EPHX3: variants seen among roughly 807,000 people sequenced by gnomAD.
EPHX3 encodes abhydrolase domain containing 9.
Under a neutral mutation model 40.2 loss-of-function variants are expected in EPHX3, and 39 were observed. The observed-to-expected ratio is 0.97, with a 90% CI of 0.75 to 1.27. The LOEUF is 1.27. Ranked by LOEUF, EPHX3 falls within the 50% of genes most tolerant of loss-of-function variation. The pLI, the probability that EPHX3 is intolerant of heterozygous loss-of-function variation, is 0.00. For synonymous variants in EPHX3, 213 were observed against 209.7 expected, an observed-to-expected ratio of 1.02 and a Z score of -0.14; for missense variants, 442 against 474.0, an observed-to-expected ratio of 0.93 and a Z score of 0.63.
intron 2 of EPHX3, among the ~76,000 whole-genome samples, 153 bp downstream of exon 2, chr19:15,231,623 C>T (rs1218196962): frequency 6.6e-6 from 1 of 152,198 alleles, no homozygotes; most frequent in Non-Finnish European, 1.5e-5. Context: ...CCCTTCAGGG[C>T]CTAGGGATCC....
At chr19:15,228,170 A>G in intron 4 of EPHX3, 70 bp from the exon 5 acceptor site, 1 of 1,217,074 alleles carries the variant, frequency 8.2e-7, no homozygotes, top group Non-Finnish European at 1.2e-6. Flanking sequence ...CTGCACCCCT[A>G]CACATACCCA....
Position 15,231,766 on chromosome 19 carries a change from C to G in EPHX3, c.329+10G>C, listed in dbSNP as rs758663881. ...TCCCGTGGGCCTCAGGCCCCTGGCC[C>G]CAGACGTACCAGTTCTCAGGGAAGC... On this transcript the variant is annotated intron_variant, in intron 2 of 6. Transcript: ENST00000221730. 29 of 1,613,738 alleles carry G rather than the reference C, an allele frequency of 1.8e-5. No individual in the cohort carries two copies. In the African/African-American group the frequency reaches 2.1e-4, roughly 12 times the overall value.
chr19:15,232,534 C>T (rs2047163522), upstream of EPHX3: 3 of 840,534 alleles, frequency 3.6e-6, no homozygotes, highest in Middle Eastern at 4.5e-4. Context: ...GGCTTAGGGC[C>T]GGGGCGGGGC....
At chr19:15,229,584 T>C (rs1473351906) in intron 4 of EPHX3, among the ~76,000 whole-genome samples, 3 of 121,846 alleles carry the variant, frequency 2.5e-5, no homozygotes, top group Admixed American at 1.8e-4. Context: ...AGAGTGAGAC[T>C]CCATCTCAAG....
intron 4 of EPHX3, among the ~76,000 whole-genome samples, chr19:15,230,607 A>T (rs998856319): frequency 4.6e-5 from 7 of 151,454 alleles, no homozygotes; most frequent in Admixed American, 3.9e-4. Context: ...CAGCCTCCCG[A>T]GTAGCTGGGA....
chr19:15,232,205 C>T lies in EPHX3; in HGVS notation c.7G>A (p.Glu3Lys). ...GCCAGCAGCGCGGTCACCACCAGCTCCGGCATGTCGCCGCGCTCCGGGACC... is the reference window on the plus strand; with the variant it reads ...GCCAGCAGCGCGGTCACCACCAGCTTCGGCATGTCGCCGCGCTCCGGGACC... MP[E>K]LVVTALLAPS... The change falls in exon 1 of 7, where the codon GAG becomes AAG. Residue 3 changes from glutamate to lysine, a missense_variant. Coordinates refer to ENST00000221730, the MANE Select transcript of EPHX3 (RefSeq NM_024794.3). The T allele has an allele frequency of 1.3e-6, 2 of 1,507,718 alleles. No individual in the cohort carries two copies. Among genetic ancestry groups the T allele is most frequent in the Non-Finnish European group, 1.8e-6 (2 of 1,136,988 alleles). 93.4% of individuals were successfully genotyped at this position (1,507,718 alleles called of 1,614,324 possible). A position where few individuals can be genotyped will look rare whatever the true frequency, so the allele number is the denominator to read the frequency against.
At chr19:15,230,839 G>T in intron 4 of EPHX3, 123 bp downstream of exon 4, 1 of 1,369,216 alleles carries the variant, frequency 7.3e-7, no homozygotes, top group Non-Finnish European at 1.0e-6. Flanking sequence ...AGGGACCTGG[G>T]TTGATTGCTG....
chr19:15,233,781 C>T (rs1187668707), upstream of EPHX3, among the ~76,000 whole-genome samples: 1 of 152,190 alleles, frequency 6.6e-6, no homozygotes, highest in Admixed American at 6.5e-5. Context: ...AAGCCAGCTT[C>T]TGGCCAGGCG....
rs373635598 is a variant in EPHX3, at chr19:15,231,265, T to C, written c.461A>G (p.Asp154Gly). The C allele has an allele frequency of 1.7e-5, 27 of 1,613,916 alleles. No homozygotes were observed. The highest frequency in any genetic ancestry group is 2.2e-5 in the South Asian group (2 of 91,088). The stretch of plus-strand genomic sequence containing the variant: ...CAGGCCTAGGATGACATCTTTGATG[T>C]CCACCAGCAGCAGGTCGATTGTGTA... ...DCYTIDLLLV[D>G]IKDVILGLGY... Residue 154 changes from aspartate (D) to glycine (G), a missense_variant, in exon 3 of 7, where the codon GAC (aspartate) becomes GGC (glycine). By Grantham distance (94) the Asp-to-Gly change is moderately conservative (BLOSUM62 -1). Coordinates refer to ENST00000221730, the MANE Select transcript of EPHX3 (RefSeq NM_024794.3).
rs1407460715 is a variant in EPHX3, at chr19:15,227,434, C to G, written c.*3G>C. The G allele has an allele frequency of 6.2e-7, 1 of 1,613,224 alleles. No individual in the cohort carries two copies. Among genetic ancestry groups the G allele is most frequent in the Non-Finnish European group, 8.5e-7 (1 of 1,179,280 alleles). ...TGCCTCCTGGGCAGGCCAGCAAGGA[C>G]CACTAGTCCAGCAGGTCTTGCAAGA... On this transcript the variant is annotated 3_prime_UTR_variant, in exon 7 of 7. Transcript: ENST00000221730.
chr19:15,229,544 G>A (rs1031098153), intron 4 of EPHX3, among the ~76,000 whole-genome samples: 1 of 150,614 alleles, frequency 6.6e-6, no homozygotes, highest in Non-Finnish European at 1.5e-5. Flanking sequence ...GGAGGTTGCC[G>A]TGAGCCGACA....
chr19:15,236,173 TA>T (rs935586943), upstream of EPHX3: 2 of 152,186 alleles, frequency 1.3e-5, no homozygotes, highest in Non-Finnish European at 2.9e-5. Flanking sequence ...TGTAGGAGAA[TA>T]AACAGTGCTA....
At chr19:15,235,164 G>A (rs1267374137), upstream of EPHX3, among the ~76,000 whole-genome samples, 3 of 151,922 alleles carry the variant, frequency 2.0e-5, no homozygotes, top group South Asian at 2.1e-4. Flanking sequence ...ACCGCGCCCC[G>A]CTAATTTTTT....
rs1453114087 is a variant in EPHX3, at chr19:15,227,390, G to A, written c.*47C>T. The A allele has an allele frequency of 1.3e-6, 2 of 1,489,770 alleles. No homozygotes were observed. The allele number at this position is 1,489,770 out of a possible 1,614,324, so 92.3% of individuals were successfully genotyped here. ...AGGCACACACAGATAATGGGTGTGT[G>A]TTCCTTCCTGAGTATCCATGCCTCC... On this transcript the variant is annotated 3_prime_UTR_variant, in exon 7 of 7. Transcript: ENST00000221730.
intron 1 of EPHX3, 44 bp from the exon 2 acceptor site, chr19:15,231,905 C>T (rs1445618608): frequency 6.2e-7 from 1 of 1,613,078 alleles, no homozygotes; most frequent in Non-Finnish European, 8.5e-7. Context: ...CCCTCTCTCC[C>T]GAGGCTTGAA....
chr19:15,232,005 G>T lies in EPHX3; in HGVS notation c.207C>A (p.Asp69Glu). 1 of 1,606,844 alleles carries T rather than the reference G, an allele frequency of 6.2e-7. No individual in the cohort carries two copies. The highest frequency in any genetic ancestry group is 8.5e-7 in the Non-Finnish European group (1 of 1,179,232). The change falls in exon 1 of 7, where the codon GAC becomes GAA. Residue 69 changes from aspartate (D) to glutamate (E), a missense_variant. Physicochemically the swap from Asp to Glu is conservative, Grantham distance 45. Coordinates refer to ENST00000221730, the MANE Select transcript of EPHX3 (RefSeq NM_024794.3). ...RRSASPACLS[D>E]PSLGEHGFLN... Reference sequence around the variant, plus strand: ...GGAAACCGTGCTCACCCAGCGAGGGGTCGCTCAGGCAGGCGGGGGACGCGC... The same window carrying T: ...GGAAACCGTGCTCACCCAGCGAGGGTTCGCTCAGGCAGGCGGGGGACGCGC...
rs1291236012 is a variant in EPHX3, at chr19:15,227,197, T to C, written c.*240A>G. ...CCACTGGAAGAGAGGTATACCCAGT[T>C]CCCAGGGTCAAAGTGTTTGTTACAC... is the stretch of plus-strand genomic sequence containing the variant. On this transcript the variant is annotated 3_prime_UTR_variant, in exon 7 of 7. Transcript: ENST00000221730. 9.3e-6 allele frequency: 5 copies of C among 538,390 alleles called. No homozygotes were observed. The South Asian group carries it at 1.1e-4, about 12-fold the overall frequency. The allele number at this position is 538,390 out of a possible 1,614,324, so 33.4% of individuals were successfully genotyped here. A position where few individuals can be genotyped will look rare whatever the true frequency, so the allele number is the denominator to read the frequency against.
chr19:15,228,004 TCAGA>T lies in EPHX3; in HGVS notation c.709_712del (p.Ser237ThrfsTer5), dbSNP rs780591920. On this transcript the variant is annotated frameshift_variant, in exon 5 of 7. Transcript: ENST00000221730. LOFTEE classifies it high-confidence loss of function. ...AACCTGCACCCTCTGTACCTGAAAG[TCAGA>T]CATAGACAGCAGCTTCTCGGGCAGC... 4.3e-6 allele frequency: 7 copies of T among 1,610,592 alleles called. No homozygotes were observed. Among genetic ancestry groups the T allele is most frequent in the Non-Finnish European group, 3.4e-6 (4 of 1,178,206 alleles).
At chr19:15,228,160 C>T in intron 4 of EPHX3, 60 bp from the exon 5 acceptor site, 1 of 1,331,960 alleles carries the variant, frequency 7.5e-7, no homozygotes, top group Non-Finnish European at 1.0e-6. Flanking sequence ...CCCCATACAC[C>T]TGCACCCCTA....
Sources: allele counts gnomAD v4.1 joint callset (sites outside exome capture counted in the v4.1 genomes callset), GRCh38; gene constraint gnomAD v4.1.1; transcripts MANE v1.5; gene names NCBI Gene and HGNC (gene_info 2026-07-23, HGNC 2026-07-21).